The following EDDM13 variants were observed in gnomAD, a reference collection of about 807,000 sequenced individuals.
The protein encoded by EDDM13 is epididymal protein 13.
In EDDM13, 24 loss-of-function variants were observed where a neutral mutation model predicts 17.8. That is an observed-to-expected ratio of 1.35 (90% CI 0.98 to 1.90). EDDM13 has a LOEUF of 1.90. EDDM13 is among the 40% of genes most tolerant of loss of function. EDDM13 has a pLI of 0.00. For synonymous variants in EDDM13, 31 were observed against 37.5 expected, an observed-to-expected ratio of 0.83 and a Z score of 0.63; for missense variants, 97 against 100.8, an observed-to-expected ratio of 0.96 and a Z score of 0.16.
At chr19:56,303,532 G>C (rs2040485895) in intron 13 of EDDM13, among the ~76,000 whole-genome samples, 1 of 151,212 alleles carries the variant, frequency 6.6e-6, no homozygotes, top group South Asian at 2.1e-4. Flanking sequence ...GAGGGAGGGA[G>C]GCAAGACGGA....
intron 9 of EDDM13, among the ~76,000 whole-genome samples, chr19:56,291,980 GGCAAGTATTATTCATCT>G (rs1309247231): frequency 3.3e-5 from 5 of 152,118 alleles, no homozygotes; most frequent in Admixed American, 3.3e-4. Flanking sequence ...TTCTTCACAA[GGCAAGTATTATTCATCT>G]GCACTTGACT....
intron 14 of EDDM13, among the ~76,000 whole-genome samples, chr19:56,309,184 G>A (rs1174510054): frequency 6.6e-6 from 1 of 152,220 alleles, no homozygotes; most frequent in Non-Finnish European, 1.5e-5. Context: ...TGTGCTGAGT[G>A]AAAGAAGCAG....
chr19:56,294,075 GACAGC>G (rs1270379293), intron 9 of EDDM13, among the ~76,000 whole-genome samples: 1 of 152,188 alleles, frequency 6.6e-6, no homozygotes, highest in African/African-American at 2.4e-5. Flanking sequence ...ATGCTGCACT[GACAGC>G]ACTTTGCAAA....
intron 4 of EDDM13, chr19:56,283,258 C>G (rs1356685878): frequency 6.6e-6 from 1 of 151,470 alleles, no homozygotes; most frequent in South Asian, 2.1e-4. Context: ...ATACTATTAT[C>G]ATCATTATTA....
At chr19:56,289,366 G>C (rs1466490616) in intron 8 of EDDM13, among the ~76,000 whole-genome samples, 18 of 152,184 alleles carry the variant, frequency 1.2e-4, no homozygotes, top group Admixed American at 1.1e-3. Flanking sequence ...GTCTGGAGGA[G>C]AGAAAGGGGC....
chr19:56,302,082 A>G lies in EDDM13; in HGVS notation c.410A>G (p.Asn137Ser). 1 of 1,231,862 alleles carries G rather than the reference A, an allele frequency of 8.1e-7. No homozygotes were observed. The highest frequency in any genetic ancestry group is 4.1e-5 in the South Asian group (1 of 24,316). 76.3% of individuals were successfully genotyped at this position (1,231,862 alleles called of 1,614,324 possible). The change falls in exon 13 of 15, where the codon AAC becomes AGC. Residue 137 changes from asparagine to serine, a missense_variant. Transcript: ENST00000649256. ...MVMTYLFVSY[N>S]KGDWCYCHYC... Reference sequence around the variant, plus strand: ...ATGACCTACCTCTTCGTATCCTACAACAAAGGGGACTGGGTAAGAAGAAGG... The same window carrying G: ...ATGACCTACCTCTTCGTATCCTACAGCAAAGGGGACTGGGTAAGAAGAAGG...
intron 8 of EDDM13, among the ~76,000 whole-genome samples, chr19:56,290,358 G>C (rs565881795): frequency 2.0e-5 from 3 of 152,342 alleles, no homozygotes; most frequent in African/African-American, 7.2e-5. Flanking sequence ...TGGCAGAGCT[G>C]CATAGTTGTG....
chr19:56,279,090 C>A (rs1226457531), intron 2 of EDDM13, among the ~76,000 whole-genome samples: 1 of 152,200 alleles, frequency 6.6e-6, no homozygotes, highest in Non-Finnish European at 1.5e-5. Flanking sequence ...GACGGATGGA[C>A]TCAGTGCCTA....
intron 2 of EDDM13, chr19:56,280,558 A>C (rs529382827): frequency 1.3e-5 from 2 of 152,290 alleles, no homozygotes; most frequent in African/African-American, 4.8e-5. Flanking sequence ...CCACTGTCGT[A>C]GTCTGTTTTG....
chr19:56,289,023 G>C (rs1449781413), intron 8 of EDDM13, among the ~76,000 whole-genome samples, 132 bp downstream of exon 8: 6 of 152,192 alleles, frequency 3.9e-5, no homozygotes, highest in Admixed American at 3.9e-4. Flanking sequence ...CCTGGCATCA[G>C]GAGCATCATC....
rs1404101811 is a variant in EDDM13 at position 56,295,843 on chromosome 19, C to T, written c.233-116C>T. 3.3e-5 allele frequency: 5 copies of T among 153,562 alleles called. 1 individual carries two copies. Among genetic ancestry groups the T allele is most frequent in the African/African-American group, 1.2e-4 (5 of 41,580 alleles). The allele number at this position is 153,562 out of a possible 1,614,324, so 9.5% of individuals were successfully genotyped here. ...TCTGTCTTCTGATGTTGTGATTTTT[C>T]CCTACATGTGGCCTCCTCTTCCACG... On this transcript the variant is annotated intron_variant, in intron 9 of 14. Transcript: ENST00000649256.
rs190143915 is a variant in EDDM13 at position 56,304,489 on chromosome 19, C to T, written c.424-304C>T. ...CCATACGGCCCAGGACAACACGCCACGACAAAAATAACCCAGGTCAAAACG... is the reference window on the plus strand; with the variant it reads ...CCATACGGCCCAGGACAACACGCCATGACAAAAATAACCCAGGTCAAAACG... On this transcript the variant is annotated intron_variant, in intron 13 of 14. Coordinates refer to ENST00000649256, the MANE Select transcript of EDDM13 (RefSeq NM_001354658.2). Among the ~76,000 whole-genome samples, 25 of 152,242 alleles carry T rather than the reference C, an allele frequency of 1.6e-4. No homozygotes were observed. In the East Asian group the frequency reaches 3.7e-3, roughly 22 times the overall value.
chr19:56,286,509 C>T (rs893640016), intron 6 of EDDM13: 2 of 152,162 alleles, frequency 1.3e-5, no homozygotes, highest in Admixed American at 6.5e-5. Context: ...TGCTTTATAC[C>T]GCTTGAGTAA....
chr19:56,287,688 G>A (rs1296181116), intron 6 of EDDM13, among the ~76,000 whole-genome samples: 1 of 152,210 alleles, frequency 6.6e-6, no homozygotes, highest in African/African-American at 2.4e-5. Flanking sequence ...TGTGGAGGAA[G>A]TCACAGACTC....
intron 1 of EDDM13, among the ~76,000 whole-genome samples, chr19:56,273,636 G>C (rs989892077): frequency 6.6e-6 from 1 of 152,124 alleles, no homozygotes; most frequent in Admixed American, 6.5e-5. Flanking sequence ...CAAAGGTCCT[G>C]GGGCAGAAGG....
chr19:56,275,404 T>C (rs544426855), intron 1 of EDDM13, among the ~76,000 whole-genome samples: 7 of 152,334 alleles, frequency 4.6e-5, no homozygotes, highest in African/African-American at 1.4e-4. Flanking sequence ...ATTCAAGTAC[T>C]GTATTTATTT....
At chr19:56,285,719 T>C (rs186994303) in intron 6 of EDDM13, among the ~76,000 whole-genome samples, 1,596 of 152,324 alleles carry the variant, frequency 0.01, 15 homozygotes, top group Non-Finnish European at 0.019. Context: ...GACCTCGTGA[T>C]CCGCCCGCCT....
chr19:56,301,404 G>A (rs1017459815), intron 12 of EDDM13, among the ~76,000 whole-genome samples: 23 of 152,054 alleles, frequency 1.5e-4, no homozygotes, highest in Admixed American at 6.6e-4. Flanking sequence ...ACTGGTGGGC[G>A]TGTCTCTTAG....
chr19:56,295,452 G>A (rs561427801), intron 9 of EDDM13, among the ~76,000 whole-genome samples: 4 of 152,066 alleles, frequency 2.6e-5, no homozygotes, highest in East Asian at 3.9e-4. Context: ...AAAATTAGCC[G>A]GGTGTGGTTG....
Sources: allele counts gnomAD v4.1 joint callset (sites outside exome capture counted in the v4.1 genomes callset), GRCh38; gene constraint gnomAD v4.1.1; transcripts MANE v1.5; gene names NCBI Gene and HGNC (gene_info 2026-07-23, HGNC 2026-07-21).